Variants in ZFR2 observed in about 807,000 individuals in gnomAD.
ZFR2 encodes zinc finger RNA-binding protein 2.
A neutral mutation model predicts 105.7 loss-of-function variants in ZFR2; 104 were observed. The ratio of observed to expected loss-of-function variants is 0.98; its 90% CI spans 0.84 to 1.16. ZFR2 has a LOEUF of 1.16. Ranked by LOEUF, ZFR2 falls within the 50% of genes most tolerant of loss-of-function variation. The pLI is 0.00. For missense variants in ZFR2, 1,425 were observed against 1,355.5 expected (o/e 1.05, Z -0.80); for synonymous variants, 634 against 597.7 (o/e 1.06, Z -0.89).
At chr19:3,837,249 C>A (rs1288788136) in intron 1 of ZFR2, among the ~76,000 whole-genome samples, 2 of 152,212 alleles carry the variant, frequency 1.3e-5, no homozygotes, top group Non-Finnish European at 2.9e-5. Flanking sequence ...GCATTCATTC[C>A]TCTAGCATTT....
chr19:3,864,942 T>C (rs144906881), intron 1 of ZFR2, among the ~76,000 whole-genome samples: 90 of 152,106 alleles, frequency 5.9e-4, no homozygotes, highest in African/African-American at 2.1e-3. Context: ...AGAGATTGGG[T>C]TTCACCATGT....
intron 18 of ZFR2, among the ~76,000 whole-genome samples, chr19:3,806,807 T>A (rs1416603149): frequency 6.6e-6 from 1 of 152,192 alleles, no homozygotes; most frequent in East Asian, 1.9e-4. Context: ...AGATTTTTCT[T>A]ATAAACAAAT....
rs370572872 is a variant in ZFR2 at position 3,858,193 on chromosome 19, A to G, written c.53+10772T>C. Reference sequence around the variant, plus strand: ...TGGAATGGGCCCATCTGAGCTGCCCACGTCACCTGGCCCAGAGCTCTTTCT... The same window carrying G: ...TGGAATGGGCCCATCTGAGCTGCCCGCGTCACCTGGCCCAGAGCTCTTTCT... On this transcript the variant is annotated intron_variant, in intron 1 of 18. Coordinates refer to ENST00000262961, the MANE Select transcript of ZFR2 (RefSeq NM_015174.2). The surrounding 1 kb of genome is among the most constrained non-coding windows in gnomAD (Gnocchi z 4.3). Among the ~76,000 whole-genome samples the G allele has an allele frequency of 5.9e-5, 9 of 152,236 alleles. No homozygotes were observed. In the East Asian group the frequency reaches 1.4e-3, roughly 23 times the overall value.
At position 3,814,054 on chromosome 19, in the gene ZFR2, G is replaced by A. The variant is rs80067393; in HGVS notation, c.2104-96C>T. The stretch of plus-strand genomic sequence containing the variant: ...TGGTTGGTGTGTGTAAATTAATCCC[G>A]TCGGGCCTCCCACACTTGCTGCCTG... On this transcript the variant is annotated intron_variant, in intron 13 of 18. Coordinates refer to ENST00000262961, the MANE Select transcript of ZFR2 (RefSeq NM_015174.2). 2,457 of 1,530,772 alleles carry A rather than the reference G, an allele frequency of 1.6e-3. 34 individuals carry two copies. The African/African-American group carries it at 0.029, about 18-fold the overall frequency. The allele number at this position is 1,530,772 out of a possible 1,614,324, so 94.8% of individuals were successfully genotyped here.
rs764736784 is a variant in ZFR2, at chr19:3,813,864, G to A, written c.2198C>T (p.Ser733Phe). The change falls in exon 14 of 19, where the codon TCT (serine) becomes TTT (phenylalanine). Residue 733 changes from serine (S) to phenylalanine (F), a missense_variant. Ser to Phe is a radical substitution (Grantham distance 155, BLOSUM62 -2). Coordinates refer to ENST00000262961, the MANE Select transcript of ZFR2 (RefSeq NM_015174.2). This position sits in a 1 kb window ranked among gnomAD's most constrained non-coding sequence, Gnocchi z 4.4. Reference protein sequence around the residue: ...CEEPRMQVTISVTSPLMREDP... With the variant: ...CEEPRMQVTIFVTSPLMREDP... ...CTCCCGCATCAGAGGTGAGGTGACA[G>A]ATATGGTGACCTGCATCCTGGGCTC... The A allele has an allele frequency of 5.0e-6, 8 of 1,613,966 alleles. No individual in the cohort carries two copies. The highest frequency in any genetic ancestry group is 6.8e-6 in the Non-Finnish European group (8 of 1,179,882).
At chr19:3,816,947 T>G in intron 12 of ZFR2, 102 bp from the exon 13 acceptor site, 7 of 1,080,224 alleles carry the variant, frequency 6.5e-6, no homozygotes, top group Non-Finnish European at 9.2e-6. Flanking sequence ...TTACAGAGCC[T>G]CTCTGTGCCT....
chr19:3,852,297 T>G, intron 1 of ZFR2: 3 of 615,490 alleles, frequency 4.9e-6, no homozygotes, highest in Non-Finnish European at 8.8e-6. Context: ...GAGGTGGGGT[T>G]CAGCTGGGTG....
intron 1 of ZFR2, among the ~76,000 whole-genome samples, chr19:3,846,845 A>G (rs1246073409): frequency 3.9e-5 from 6 of 152,242 alleles, no homozygotes; most frequent in Admixed American, 2.6e-4. Context: ...GGACATTTAT[A>G]CTATGTGTTA....
chr19:3,808,328 C>G (rs1388584272), intron 17 of ZFR2, among the ~76,000 whole-genome samples: 1 of 152,262 alleles, frequency 6.6e-6, no homozygotes. Context: ...GCTTCATGCT[C>G]CCTTTTCACT....
intron 17 of ZFR2, among the ~76,000 whole-genome samples, chr19:3,807,627 G>A (rs1012797698): frequency 1.1e-4 from 17 of 151,938 alleles, no homozygotes; most frequent in African/African-American, 3.9e-4. Context: ...TGGCGTATGT[G>A]CATGTGTGCC....
At chr19:3,862,024 T>G (rs543077645) in intron 1 of ZFR2, among the ~76,000 whole-genome samples, 2 of 152,326 alleles carry the variant, frequency 1.3e-5, no homozygotes, top group South Asian at 4.1e-4. Context: ...TAGTTATTTA[T>G]CTGATCAGGG....
intron 1 of ZFR2, among the ~76,000 whole-genome samples, chr19:3,857,852 C>G (rs2038325776): frequency 1.3e-5 from 2 of 152,122 alleles, no homozygotes; most frequent in South Asian, 4.1e-4. Flanking sequence ...CTGCCATCTC[C>G]ATGACAACAA....
intron 3 of ZFR2, 193 bp downstream of exon 3, chr19:3,833,471 G>C: frequency 2.1e-6 from 1 of 470,342 alleles, no homozygotes; most frequent in East Asian, 3.6e-5. Context: ...AGCTACTCGG[G>C]AGGCTGAGGC....
chr19:3,841,303 G>A (rs887960780), intron 1 of ZFR2, among the ~76,000 whole-genome samples: 6 of 152,222 alleles, frequency 3.9e-5, no homozygotes, highest in African/African-American at 9.6e-5. Flanking sequence ...CCATGGGGCC[G>A]TGGCCTTCCT....
chr19:3,813,306 A>G lies in ZFR2; in HGVS notation c.2242+514T>C, dbSNP rs1290849555. Among the ~76,000 whole-genome samples the G allele has an allele frequency of 2.6e-5, 4 of 152,182 alleles. No individual in the cohort carries two copies. Among genetic ancestry groups the G allele is most frequent in the South Asian group, 2.1e-4 (1 of 4,832 alleles). On this transcript the variant is annotated intron_variant, in intron 14 of 18. Coordinates refer to ENST00000262961, the MANE Select transcript of ZFR2 (RefSeq NM_015174.2). This position sits in a 1 kb window ranked among gnomAD's most constrained non-coding sequence, Gnocchi z 4.4. The stretch of plus-strand genomic sequence containing the variant: ...GTCTTCGCTGTGGCCGCTGGCCAAG[A>G]CCCTCGCTGCCCCTAGCCTGGCCCG...
chr19:3,837,043 T>C (rs913108095), intron 1 of ZFR2, among the ~76,000 whole-genome samples: 17 of 152,228 alleles, frequency 1.1e-4, no homozygotes, highest in African/African-American at 4.1e-4. Flanking sequence ...CGGGCCCTGC[T>C]GTAGACTCCT....
At chr19:3,848,067 G>A (rs1014001888) in intron 1 of ZFR2, among the ~76,000 whole-genome samples, 3 of 152,322 alleles carry the variant, frequency 2.0e-5, no homozygotes, top group East Asian at 1.9e-4. Flanking sequence ...ATCCAAGTAC[G>A]GTTGCAGCTC....
chr19:3,809,478 G>A (rs1052903575), intron 16 of ZFR2, among the ~76,000 whole-genome samples: 7 of 152,306 alleles, frequency 4.6e-5, no homozygotes, highest in Admixed American at 3.3e-4. Flanking sequence ...GAGGGGACAG[G>A]GGCATTGCTG....
At chr19:3,826,117 C>T (rs576193500) in intron 6 of ZFR2, among the ~76,000 whole-genome samples, 97 of 152,266 alleles carry the variant, frequency 6.4e-4, no homozygotes, top group Non-Finnish European at 1.2e-3. Flanking sequence ...CCCCACCGGC[C>T]CCTAGCTCTC....
Sources: gnomAD v4.1 joint callset for allele counts (sites outside exome capture counted in the v4.1 genomes callset) on GRCh38, gnomAD v4.1.1 for gene constraint, Gnocchi (gnomAD v3.1) non-coding constraint, MANE v1.5 for transcripts, NCBI Gene and HGNC (gene_info 2026-07-23, HGNC 2026-07-21) for gene names.